KCNG3: variants seen among roughly 807,000 people sequenced by gnomAD.
KCNG3 encodes voltage-gated potassium channel regulatory subunit KCNG3.
KCNG3 carries 15 observed loss-of-function variants against 29.0 expected under a neutral mutation model. That is an observed-to-expected ratio of 0.52 (90% CI 0.35 to 0.80). The LOEUF (loss-of-function observed/expected upper bound fraction) is 0.80. Ranked by LOEUF, KCNG3 falls within the 30% of genes least tolerant of loss-of-function variation. The probability of loss-of-function intolerance (pLI) is 0.01; values close to 1 mark genes in which losing one functional copy is unlikely to be tolerated. For missense variants in KCNG3, 512 were observed against 605.7 expected, an observed-to-expected ratio of 0.85 and a Z score of 1.62; for synonymous variants, 322 against 248.9, an observed-to-expected ratio of 1.29 and a Z score of -2.76.
At chr2:42,453,806 C>A (rs1454916890) in intron 1 of KCNG3, among the ~76,000 whole-genome samples, 1 of 152,068 alleles carries the variant, frequency 6.6e-6, no homozygotes, top group Non-Finnish European at 1.5e-5. Context: ...TGGAGATTTT[C>A]CCCAATGTTT....
At chr2:42,425,715 C>T in the KCNG3 span, among the ~76,000 whole-genome samples, 17,120 of 152,028 alleles carry the variant, frequency 0.11, 1,220 homozygotes, top group Middle Eastern at 0.17. Context: ...ATTCTTACCA[C>T]GGAGAAGAAG....
At chr2:42,468,278 C>A (rs549192922) in intron 1 of KCNG3, among the ~76,000 whole-genome samples, 2 of 152,060 alleles carry the variant, frequency 1.3e-5, no homozygotes, top group Non-Finnish European at 2.9e-5. Flanking sequence ...AAAATAGACC[C>A]TTTGAATTAT....
At chr2:42,419,467 C>G in the KCNG3 span, among the ~76,000 whole-genome samples, 163 of 151,910 alleles carry the variant, frequency 1.1e-3, 1 homozygote, top group Non-Finnish European at 1.7e-3. Flanking sequence ...GTCTCGAACT[C>G]CTGACCCCAG....
the KCNG3 span, among the ~76,000 whole-genome samples, chr2:42,411,570 C>T: frequency 6.6e-6 from 1 of 152,136 alleles, no homozygotes; most frequent in Admixed American, 6.6e-5. Context: ...GCAACCTCCA[C>T]CTCTTGGGTT....
intron 1 of KCNG3, among the ~76,000 whole-genome samples, chr2:42,475,366 C>G (rs1296322855): frequency 3.3e-5 from 5 of 150,334 alleles, no homozygotes; most frequent in Non-Finnish European, 7.4e-5. Context: ...CGCTCTGTCG[C>G]CCAGGCTGGA....
chr2:42,487,018 A>G (rs9973750), intron 1 of KCNG3, among the ~76,000 whole-genome samples: 123,376 of 151,588 alleles, frequency 0.81, 50,903 homozygotes, highest in African/African-American at 0.94. Flanking sequence ...TTAGCCGGGC[A>G]TGGTGGCGGA....
chr2:42,424,130 T>A, the KCNG3 span, among the ~76,000 whole-genome samples: 20 of 152,262 alleles, frequency 1.3e-4, no homozygotes, highest in Middle Eastern at 3.4e-3. Flanking sequence ...GTAAAACGGC[T>A]TATTTCAACA....
intron 1 of KCNG3, among the ~76,000 whole-genome samples, chr2:42,477,794 G>A (rs759534735): frequency 8.6e-5 from 13 of 151,794 alleles, no homozygotes; most frequent in Non-Finnish European, 1.5e-4. Context: ...CCAGAGAATC[G>A]TTTGAACCCA....
the KCNG3 span, among the ~76,000 whole-genome samples, chr2:42,412,520 A>T: frequency 6.6e-6 from 1 of 152,274 alleles, no homozygotes; most frequent in Non-Finnish European, 1.5e-5. Context: ...TCCCATTATG[A>T]TTGTAAATTT....
chr2:42,442,482 T>C lies in KCNG3; in HGVS notation c.*1452A>G, dbSNP rs1392070125. ...TTTTCTACCTGTAATAGTTGAGGTT[T>C]GAACTAGATGATGGCTAAAATTCCT... On this transcript the variant is annotated 3_prime_UTR_variant, in exon 2 of 2. Transcript: ENST00000306078. 1 of 152,194 alleles carries C rather than the reference T, an allele frequency of 6.6e-6. No individual in the cohort carries two copies. Among genetic ancestry groups the C allele is most frequent in the African/African-American group, 2.4e-5 (1 of 41,448 alleles). 9.4% of individuals were successfully genotyped at this position (152,194 alleles called of 1,614,324 possible).
downstream of KCNG3, among the ~76,000 whole-genome samples, chr2:42,437,747 G>A (rs753084664): frequency 4.6e-5 from 7 of 151,926 alleles, no homozygotes; most frequent in South Asian, 8.3e-4. Flanking sequence ...AGACCAGCCC[G>A]GCCAACATGG....
At chr2:42,432,934 T>TAAAAAAAAAAAAA in the KCNG3 span, among the ~76,000 whole-genome samples, 37 of 132,698 alleles carry the variant, frequency 2.8e-4, no homozygotes, top group Non-Finnish European at 4.7e-4. Context: ...GCTTTTATGA[T>TAAAAAAAAAAAAA]AAAAAAAAAA....
chr2:42,424,522 A>C, the KCNG3 span, among the ~76,000 whole-genome samples: 1 of 152,102 alleles, frequency 6.6e-6, no homozygotes, highest in East Asian at 1.9e-4. Flanking sequence ...AATTCTTTTA[A>C]ATTTGTGAAA....
chr2:42,425,710 T>C, the KCNG3 span, among the ~76,000 whole-genome samples: 1 of 152,144 alleles, frequency 6.6e-6, no homozygotes, highest in Non-Finnish European at 1.5e-5. Context: ...ATGATATTCT[T>C]ACCACGGAGA....
intron 1 of KCNG3, among the ~76,000 whole-genome samples, chr2:42,453,073 T>C (rs1052307366): frequency 6.6e-6 from 1 of 152,222 alleles, no homozygotes; most frequent in African/African-American, 2.4e-5. Flanking sequence ...TGGGCCACTG[T>C]GCCTGGCCAC....
At chr2:42,457,559 A>G (rs931321748) in intron 1 of KCNG3, among the ~76,000 whole-genome samples, 7 of 151,344 alleles carry the variant, frequency 4.6e-5, no homozygotes, top group African/African-American at 1.7e-4. Flanking sequence ...TAATATTTAC[A>G]AGGCTGGCCA....
chr2:42,456,887 C>T (rs1672889536), intron 1 of KCNG3, among the ~76,000 whole-genome samples: 1 of 152,018 alleles, frequency 6.6e-6, no homozygotes, highest in African/African-American at 2.4e-5. Context: ...TCTTTCATGT[C>T]CTTATAAGAG....
the KCNG3 span, among the ~76,000 whole-genome samples, chr2:42,388,866 A>G: frequency 2.0e-5 from 3 of 152,032 alleles, no homozygotes; most frequent in Non-Finnish European, 4.4e-5. Context: ...TTCTAAGCAC[A>G]TAATTTTTTT....
At chr2:42,408,641 A>G in the KCNG3 span, among the ~76,000 whole-genome samples, 1 of 152,160 alleles carries the variant, frequency 6.6e-6, no homozygotes, top group Non-Finnish European at 1.5e-5. Context: ...GAGCTGTTCT[A>G]GTGCTCAATA....
Sources: allele counts gnomAD v4.1 joint callset (sites outside exome capture counted in the v4.1 genomes callset), GRCh38; gene constraint gnomAD v4.1.1; transcripts MANE v1.5; gene names NCBI Gene and HGNC (gene_info 2026-07-23, HGNC 2026-07-21).